The following NICOL1 variants were observed in gnomAD, a reference collection of about 807,000 sequenced individuals.
The protein encoded by NICOL1 is NELL2-interacting cell ontogeny regulator 1.
the NICOL1 span, chr4:2,042,333 C>T: frequency 3.6e-6 from 2 of 560,440 alleles, no homozygotes; most frequent in Non-Finnish European, 5.8e-6. Flanking sequence ...TCAGGGCGGC[C>T]CCGCTCCCTC....
At chr4:2,038,426 T>C in the NICOL1 span, among the ~76,000 whole-genome samples, 1,294 of 151,744 alleles carry the variant, frequency 8.5e-3, 18 homozygotes, top group African/African-American at 0.029. Flanking sequence ...TAGATGGGAT[T>C]ACAGGCATGC....
At chr4:2,042,084 C>T in the NICOL1 span, 4 of 1,481,246 alleles carry the variant, frequency 2.7e-6, no homozygotes, top group African/African-American at 2.9e-5. Context: ...GGCGGTGGTG[C>T]GGGCGTCCGA....
At chr4:2,041,856 G>T in the NICOL1 span, 2 of 919,340 alleles carry the variant, frequency 2.2e-6, no homozygotes, top group Non-Finnish European at 3.0e-6. Flanking sequence ...GCTGCTCCCG[G>T]GGGCAGCCCC....
the NICOL1 span, chr4:2,042,896 G>A: frequency 9.5e-7 from 1 of 1,052,246 alleles, no homozygotes; most frequent in Admixed American, 3.0e-5. Flanking sequence ...ATGAGGAAGA[G>A]GCCCCCTGCG....
the NICOL1 span, chr4:2,042,150 G>C: frequency 6.9e-7 from 1 of 1,457,664 alleles, no homozygotes; most frequent in South Asian, 1.4e-5. Flanking sequence ...CCCGGAGACC[G>C]GCGGACTGGA....
chr4:2,042,726 C>G, the NICOL1 span: 12 of 1,503,854 alleles, frequency 8.0e-6, no homozygotes, highest in South Asian at 1.2e-5. Flanking sequence ...CTGACCCGCG[C>G]CCCCCGCAGG....
chr4:2,040,479 G>A, the NICOL1 span, among the ~76,000 whole-genome samples: 1 of 152,140 alleles, frequency 6.6e-6, no homozygotes, highest in Admixed American at 6.5e-5. Context: ...GGAGAAGGAC[G>A]CCTGCGGCCC....
At chr4:2,038,015 G>T in the NICOL1 span, among the ~76,000 whole-genome samples, 1 of 150,698 alleles carries the variant, frequency 6.6e-6, no homozygotes, top group Non-Finnish European at 1.5e-5. Flanking sequence ...TTTTGTTATT[G>T]TTCTAATTGT....
the NICOL1 span, among the ~76,000 whole-genome samples, chr4:2,037,721 AGTTAT>A: frequency 1.3e-5 from 2 of 152,140 alleles, no homozygotes; most frequent in African/African-American, 2.4e-5. Flanking sequence ...GAAATCTTAA[AGTTAT>A]GTTATGATAA....
the NICOL1 span, chr4:2,042,853 C>G: frequency 2.8e-6 from 4 of 1,446,914 alleles, no homozygotes; most frequent in South Asian, 1.3e-5. Context: ...ACGGTCCTCC[C>G]GGGCTTCCCA....
At chr4:2,042,401 C>T in the NICOL1 span, 405,142 of 426,538 alleles carry the variant, frequency 0.95, 191,897 homozygotes, top group African/African-American at 0.97. Flanking sequence ...CCGCCGCCGC[C>T]GCTGCTGCTG....
chr4:2,039,164 AG>A, the NICOL1 span, among the ~76,000 whole-genome samples: 1 of 152,200 alleles, frequency 6.6e-6, no homozygotes, highest in East Asian at 1.9e-4. Context: ...CTGTAGTCCC[AG>A]TACTTCGGGA....
the NICOL1 span, among the ~76,000 whole-genome samples, chr4:2,038,237 G>GTATATATATATATATATA: frequency 1.1e-5 from 1 of 91,454 alleles, no homozygotes; most frequent in Non-Finnish European, 2.3e-5. Context: ...TGATCAGTGT[G>GTATATATATATATATATA]TATATATATA....
At chr4:2,041,217 T>A in the NICOL1 span, among the ~76,000 whole-genome samples, 1 of 150,750 alleles carries the variant, frequency 6.6e-6, no homozygotes, top group Non-Finnish European at 1.5e-5. Context: ...CCACCGCCTG[T>A]GTCGGTGTCG....
At chr4:2,038,452 T>A in the NICOL1 span, among the ~76,000 whole-genome samples, 4 of 151,684 alleles carry the variant, frequency 2.6e-5, no homozygotes, top group African/African-American at 9.7e-5. Context: ...CACATTCAGA[T>A]ACTTTTTAAA....
At chr4:2,042,037 C>A in the NICOL1 span, 42 of 1,477,150 alleles carry the variant, frequency 2.8e-5, no homozygotes, top group Non-Finnish European at 3.6e-5. Context: ...CCGGTGTCCC[C>A]GCGCTGCTGG....
the NICOL1 span, among the ~76,000 whole-genome samples, chr4:2,039,242 C>G: frequency 6.6e-6 from 1 of 151,200 alleles, no homozygotes; most frequent in Non-Finnish European, 1.5e-5. Context: ...GGTGACACCC[C>G]ATGTCTACTA....
At chr4:2,040,796 C>A in the NICOL1 span, among the ~76,000 whole-genome samples, 1 of 152,152 alleles carries the variant, frequency 6.6e-6, no homozygotes, top group Non-Finnish European at 1.5e-5. Context: ...CCGGCGTCGG[C>A]CCAACCCGGA....
the NICOL1 span, among the ~76,000 whole-genome samples, chr4:2,040,422 G>A: frequency 6.6e-6 from 1 of 152,244 alleles, no homozygotes; most frequent in Non-Finnish European, 1.5e-5. Context: ...GCTAGGGGCA[G>A]GGGTGATAGG....
Sources: allele counts gnomAD v4.1 joint callset (sites outside exome capture counted in the v4.1 genomes callset), GRCh38; gene constraint gnomAD v4.1.1; transcripts MANE v1.5; gene names NCBI Gene and HGNC (gene_info 2026-07-23, HGNC 2026-07-21).